NKAIN3: variants seen among roughly 807,000 people sequenced by gnomAD.
NKAIN3 encodes sodium/potassium transporting ATPase interacting 3, also known as sodium/potassium-transporting ATPase subunit beta-1-interacting protein 3.
In NKAIN3, 25 loss-of-function variants were observed where a neutral mutation model predicts 30.2. The observed-to-expected ratio is 0.83, with a 90% CI of 0.60 to 1.16. The LOEUF is 1.16. Among genes scored for constraint, NKAIN3 ranks in the 50% most tolerant of loss-of-function variants. NKAIN3 has a pLI of 0.00. For synonymous variants in NKAIN3, 91 were observed against 89.6 expected, an observed-to-expected ratio of 1.02 and a Z score of -0.09; for missense variants, 225 against 254.1, an observed-to-expected ratio of 0.89 and a Z score of 0.78.
intron 3 of NKAIN3, among the ~76,000 whole-genome samples, chr8:62,619,923 G>A (rs1488696459): frequency 6.6e-6 from 1 of 152,122 alleles, no homozygotes; most frequent in Non-Finnish European, 1.5e-5. Context: ...TACTGTAAGG[G>A]AGGAAAAATA....
At chr8:62,711,803 C>G (rs941622274) in intron 3 of NKAIN3, among the ~76,000 whole-genome samples, 1 of 152,062 alleles carries the variant, frequency 6.6e-6, no homozygotes, top group Non-Finnish European at 1.5e-5. Flanking sequence ...TTTTTGGGAG[C>G]GTTAAATAGC....
At chr8:62,524,556 T>G (rs1164134705) in intron 1 of NKAIN3, among the ~76,000 whole-genome samples, 1 of 152,134 alleles carries the variant, frequency 6.6e-6, no homozygotes, top group African/African-American at 2.4e-5. Flanking sequence ...TGGAACCAAT[T>G]ACTCACTTTC....
At chr8:62,861,666 T>A (rs1312857079) in intron 4 of NKAIN3, among the ~76,000 whole-genome samples, 2 of 152,226 alleles carry the variant, frequency 1.3e-5, no homozygotes. Context: ...GAGCTATTGA[T>A]CTTCTGCCAG....
chr8:62,817,993 A>G (rs1818737630), intron 4 of NKAIN3, among the ~76,000 whole-genome samples: 1 of 152,172 alleles, frequency 6.6e-6, no homozygotes, highest in African/African-American at 2.4e-5. Flanking sequence ...TTGAAGTAAA[A>G]GAAGTATATT....
At chr8:62,818,074 T>C (rs1245664371) in intron 4 of NKAIN3, among the ~76,000 whole-genome samples, 1 of 152,160 alleles carries the variant, frequency 6.6e-6, no homozygotes, top group African/African-American at 2.4e-5. Flanking sequence ...TGTGACTTTA[T>C]GATAGAGCTT....
rs575455844 is a variant in NKAIN3, at chr8:62,665,326, G to A, written c.273+75532G>A. 2.5e-3 allele frequency among the ~76,000 whole-genome samples: 374 copies of A among 151,916 alleles called. 3 individuals carry two copies. Among genetic ancestry groups the A allele is most frequent in the African/African-American group, 8.8e-3 (366 of 41,430 alleles). On this transcript the variant is annotated intron_variant, in intron 3 of 6. Transcript: ENST00000623646. ...AGCTTACTGCTTATTTAGGCCTTAT[G>A]TAAGACAAGTTGTAACTTTTGAGTA...
chr8:62,289,324 A>G (rs1253148561), intron 1 of NKAIN3, among the ~76,000 whole-genome samples: 1 of 152,166 alleles, frequency 6.6e-6, no homozygotes, highest in East Asian at 1.9e-4. Context: ...GCCCATGCCT[A>G]TGTCCTGAAT....
intron 1 of NKAIN3, among the ~76,000 whole-genome samples, chr8:62,381,213 A>G (rs1302315032): frequency 1.3e-5 from 2 of 152,010 alleles, no homozygotes; most frequent in East Asian, 3.9e-4. Flanking sequence ...TTCCCTTGTC[A>G]TTGATAAGTT....
chr8:62,988,161 C>T (rs1824242248), downstream of NKAIN3, among the ~76,000 whole-genome samples: 2 of 152,328 alleles, frequency 1.3e-5, no homozygotes, highest in Non-Finnish European at 2.9e-5. Flanking sequence ...ACTTCTGTGG[C>T]TTTGCAGGGT....
chr8:62,666,483 G>T (rs1328684738), intron 3 of NKAIN3, among the ~76,000 whole-genome samples: 2 of 152,056 alleles, frequency 1.3e-5, no homozygotes, highest in East Asian at 1.9e-4. Context: ...GAGATATTGG[G>T]CAGTGCATTT....
At chr8:62,409,913 A>G (rs1804188487) in intron 1 of NKAIN3, among the ~76,000 whole-genome samples, 1 of 152,220 alleles carries the variant, frequency 6.6e-6, no homozygotes, top group East Asian at 1.9e-4. Context: ...AATTGTACAC[A>G]CATGATTTTA....
intron 1 of NKAIN3, among the ~76,000 whole-genome samples, chr8:62,556,836 G>A (rs1256644569): frequency 6.6e-6 from 1 of 151,938 alleles, no homozygotes. Flanking sequence ...CATCCTATTG[G>A]ACTATTTTAA....
At chr8:62,401,793 T>C (rs535882935) in intron 1 of NKAIN3, among the ~76,000 whole-genome samples, 2 of 152,238 alleles carry the variant, frequency 1.3e-5, no homozygotes, top group African/African-American at 4.8e-5. Context: ...AAACAGAGTC[T>C]TTCTGTCTGA....
chr8:62,403,581 G>T (rs1731230791), intron 1 of NKAIN3, among the ~76,000 whole-genome samples: 1 of 152,206 alleles, frequency 6.6e-6, no homozygotes, highest in South Asian at 2.1e-4. Context: ...CAAGCCCCAA[G>T]CCTTGGCAGC....
intron 4 of NKAIN3, among the ~76,000 whole-genome samples, chr8:62,849,496 T>C (rs1819806697): frequency 6.6e-6 from 1 of 151,792 alleles, no homozygotes; most frequent in African/African-American, 2.4e-5. Flanking sequence ...ATGTGCACAA[T>C]GTGCAAGTTT....
chr8:62,667,363 A>ATATATATATGAATATATATATG (rs1554561923), intron 3 of NKAIN3, among the ~76,000 whole-genome samples: 3 of 53,402 alleles, frequency 5.6e-5, no homozygotes, highest in African/African-American at 3.2e-4. Context: ...ATATATCTGT[A>ATATATATATGAATATATATATG]TATATATATA....
intron 2 of NKAIN3, among the ~76,000 whole-genome samples, chr8:62,585,647 C>T (rs1810448109): frequency 6.6e-6 from 1 of 152,124 alleles, no homozygotes; most frequent in Admixed American, 6.6e-5. Flanking sequence ...GCTTGTGTTC[C>T]TATGAGAATC....
intron 4 of NKAIN3, among the ~76,000 whole-genome samples, chr8:62,769,671 C>A (rs557811453): frequency 3.7e-4 from 56 of 152,310 alleles, no homozygotes; most frequent in African/African-American, 1.3e-3. Flanking sequence ...CTTCCACTTA[C>A]AATAAACTTC....
chr8:62,801,176 C>T (rs1331530046), intron 4 of NKAIN3, among the ~76,000 whole-genome samples: 3 of 152,234 alleles, frequency 2.0e-5, no homozygotes, highest in African/African-American at 2.4e-5. Flanking sequence ...GTAGGCTCCA[C>T]CTCTGGGGGC....
Sources: allele counts gnomAD v4.1 joint callset (sites outside exome capture counted in the v4.1 genomes callset), GRCh38; gene constraint gnomAD v4.1.1; transcripts MANE v1.5; gene names NCBI Gene and HGNC (gene_info 2026-07-23, HGNC 2026-07-21).